The following SLC26A8 variants were observed in gnomAD, a reference collection of about 807,000 sequenced individuals.
SLC26A8 encodes the protein testis anion transporter 1.
SLC26A8 carries 70 observed loss-of-function variants against 105.0 expected under a neutral mutation model. The observed-to-expected ratio is 0.67, with a 90% CI of 0.55 to 0.81. The LOEUF is 0.81. Among genes scored for constraint, SLC26A8 ranks in the 40% least tolerant of loss-of-function variants. The pLI, the probability that SLC26A8 is intolerant of heterozygous loss-of-function variation, is 0.00. For synonymous variants in SLC26A8, 415 were observed against 438.3 expected, an observed-to-expected ratio of 0.95 and a Z score of 0.66; for missense variants, 998 against 1,181.8, an observed-to-expected ratio of 0.84 and a Z score of 2.28.
At chr6:35,956,428 C>CAAAA (rs56146863) in intron 16 of SLC26A8, among the ~76,000 whole-genome samples, 2 of 105,886 alleles carry the variant, frequency 1.9e-5, no homozygotes, top group African/African-American at 3.6e-5. Flanking sequence ...ACCTTATGTC[C>CAAAA]AAAAAAAAAA....
intron 7 of SLC26A8, 134 bp from the exon 8 acceptor site, chr6:35,982,337 G>T: frequency 1.3e-6 from 1 of 755,810 alleles, no homozygotes; most frequent in Non-Finnish European, 2.2e-6. Flanking sequence ...ATGCATGCAA[G>T]TTGGAGAGAG....
chr6:36,002,893 G>A (rs1261018072), intron 3 of SLC26A8, among the ~76,000 whole-genome samples: 2 of 151,818 alleles, frequency 1.3e-5, no homozygotes, highest in African/African-American at 4.8e-5. Flanking sequence ...TAGTAGAGAC[G>A]GGGTTTCACC....
chr6:35,971,729 A>C lies in SLC26A8; in HGVS notation c.1288-2775T>G, dbSNP rs540188223. On this transcript the variant is annotated intron_variant, in intron 10 of 19. Coordinates refer to ENST00000490799, the MANE Select transcript of SLC26A8 (RefSeq NM_052961.4). The stretch of plus-strand genomic sequence containing the variant: ...CAACCTCCCCTGACCATCTGACTCC[A>C]AAATCCAGGCTCTCTCCACGGCCCC... Among the ~76,000 whole-genome samples, 1,044 of 152,362 alleles carry C rather than the reference A, an allele frequency of 6.9e-3. 12 individuals carry two copies. Among genetic ancestry groups the C allele is most frequent in the Non-Finnish European group, 0.013 (898 of 68,028 alleles).
chr6:36,015,699 C>T (rs1761976009), intron 2 of SLC26A8, among the ~76,000 whole-genome samples: 1 of 152,152 alleles, frequency 6.6e-6, no homozygotes, highest in African/African-American at 2.4e-5. Flanking sequence ...CTCTTTGGCA[C>T]ATGTCCCCCG....
At position 36,000,067 on chromosome 6, in the gene SLC26A8, G is replaced by C; in HGVS notation, c.370C>G (p.Leu124Val). 6.2e-7 allele frequency: 1 copy of C among 1,614,104 alleles called. No individual in the cohort carries two copies. Among genetic ancestry groups the C allele is most frequent in the Non-Finnish European group, 8.5e-7 (1 of 1,179,992 alleles). ...SLLARQLIPP[L>V]NIAYAAFCSS... ...CAGAAAGCTGCATAAGCGATGTTGA[G>C]AGGAGGAATCAGTTGCCTTGCCAGC... is the stretch of plus-strand genomic sequence containing the variant. The change falls in exon 4 of 20, where the codon CTC becomes GTC. Residue 124 changes from leucine to valine, a missense_variant. Physicochemically the swap from Leu to Val is conservative, Grantham distance 32. Transcript: ENST00000490799.
rs146161393 is a variant in SLC26A8, at chr6:36,015,403, G to A, written c.189-3031C>T. ...TGGGATTACAGGCATGAGCCACTGT[G>A]CCCAGCCAGAATTGTGCTCTCAAGC... On this transcript the variant is annotated intron_variant, in intron 2 of 19. Coordinates refer to ENST00000490799, the MANE Select transcript of SLC26A8 (RefSeq NM_052961.4). Among the ~76,000 whole-genome samples, 378 of 152,278 alleles carry A rather than the reference G, an allele frequency of 2.5e-3. 2 individuals carry two copies. The highest frequency in any genetic ancestry group is 2.9e-3 in the Admixed American group (45 of 15,286).
intron 8 of SLC26A8, among the ~76,000 whole-genome samples, chr6:35,979,200 G>A (rs1278992829): frequency 3.3e-5 from 5 of 151,664 alleles, no homozygotes; most frequent in African/African-American, 9.7e-5. Flanking sequence ...ACTTAAGGCC[G>A]GGCACGGTGG....
rs1446893558 is a variant in SLC26A8, at chr6:35,962,661, G to A, written c.1366-40C>T. 1.9e-6 allele frequency: 3 copies of A among 1,600,414 alleles called. No homozygotes were observed. In the African/African-American group the frequency reaches 4.0e-5, roughly 21 times the overall value. On this transcript the variant is annotated intron_variant, in intron 11 of 19. Coordinates refer to ENST00000490799, the MANE Select transcript of SLC26A8 (RefSeq NM_052961.4). ...TAAATCATGGTTCATTTTCCCTTTG[G>A]GGTGTAAAACTCACAAATCCCCACC... is the stretch of plus-strand genomic sequence containing the variant.
Position 35,955,171 on chromosome 6 carries a change from C to A in SLC26A8, c.2213G>T (p.Gly738Val). ...FSMVHYVDSR[G>V]LVVLRQICNA... is the part of the protein sequence containing the mutation. ...ACTTACCTGTCTTAATACGACTAAC[C>A]CCCGTGAATCCACGTAGTGTACCAT... The change falls in exon 17 of 20, where the codon GGG becomes GTG. Residue 738 changes from glycine to valine, a missense_variant. By Grantham distance (109) the Gly-to-Val change is moderately radical. Coordinates refer to ENST00000490799, the MANE Select transcript of SLC26A8 (RefSeq NM_052961.4). 6.2e-7 allele frequency: 1 copy of A among 1,614,054 alleles called. No homozygotes were observed. The highest frequency in any genetic ancestry group is 8.5e-7 in the Non-Finnish European group (1 of 1,180,014).
At chr6:36,024,163 C>T (rs543769648) in intron 1 of SLC26A8, among the ~76,000 whole-genome samples, 11 of 152,216 alleles carry the variant, frequency 7.2e-5, no homozygotes, top group African/African-American at 2.2e-4. Context: ...GCAGTCAGGC[C>T]TCAGGAGGAA....
chr6:36,019,542 A>T lies in SLC26A8; in HGVS notation c.166T>A (p.Phe56Ile). 1.2e-6 allele frequency: 2 copies of T among 1,613,688 alleles called. No individual in the cohort carries two copies. Among genetic ancestry groups the T allele is most frequent in the Non-Finnish European group, 1.7e-6 (2 of 1,179,942 alleles). ...CACCGGCACTGGACGTGGTGTCTGA[A>T]GGTGGTGATGTTGATGTTCATGTTC... ...SGNMNINITT[F>I]RHHVQCRCSW... is the part of the protein sequence containing the mutation. Residue 56 changes from phenylalanine (F) to isoleucine (I), a missense_variant, in exon 2 of 20, where the codon TTC (phenylalanine) becomes ATC (isoleucine). Transcript: ENST00000490799.
At chr6:35,987,308 T>A (rs544618511) in intron 7 of SLC26A8, among the ~76,000 whole-genome samples, 1 of 152,202 alleles carries the variant, frequency 6.6e-6, no homozygotes, top group Non-Finnish European at 1.5e-5. Context: ...TGGGTTGGTA[T>A]CTCTCAGGCA....
At chr6:35,980,108 G>A (rs748061083) in intron 8 of SLC26A8, among the ~76,000 whole-genome samples, 18 of 152,190 alleles carry the variant, frequency 1.2e-4, no homozygotes, top group Non-Finnish European at 2.5e-4. Context: ...AAGTAGCTGG[G>A]ATTGCAGGCA....
At chr6:36,023,546 CAAA>C (rs59633591) in intron 1 of SLC26A8, among the ~76,000 whole-genome samples, 24 of 63,526 alleles carry the variant, frequency 3.8e-4, no homozygotes, top group East Asian at 1.1e-3. Context: ...GACTCTGTCT[CAAA>C]AAAAAAAAAA....
At chr6:35,994,578 T>TTC (rs1491204474) in intron 5 of SLC26A8, among the ~76,000 whole-genome samples, 10 of 42,376 alleles carry the variant, frequency 2.4e-4, no homozygotes, top group African/African-American at 6.9e-4. Flanking sequence ...GCATCATCTC[T>TTC]TTTTTTTTTT....
chr6:36,005,537 C>A (rs1300161068), intron 3 of SLC26A8, among the ~76,000 whole-genome samples: 1 of 152,038 alleles, frequency 6.6e-6, no homozygotes, highest in African/African-American at 2.4e-5. Context: ...CTTATATTTC[C>A]TTATGATTGT....
chr6:35,970,416 G>A (rs1772745682), intron 10 of SLC26A8, among the ~76,000 whole-genome samples: 1 of 152,170 alleles, frequency 6.6e-6, no homozygotes, highest in Non-Finnish European at 1.5e-5. Flanking sequence ...TCACATGAGA[G>A]TAGTGTAGGA....
chr6:35,953,146 T>G (rs1441065951), intron 17 of SLC26A8, among the ~76,000 whole-genome samples: 1 of 152,046 alleles, frequency 6.6e-6, no homozygotes, highest in Non-Finnish European at 1.5e-5. Flanking sequence ...TGAAGAAACC[T>G]GTATTTTTAG....
At chr6:35,990,036 C>T (rs10947583) in intron 7 of SLC26A8, 57,305 of 143,032 alleles carry the variant, frequency 0.4, 11,900 homozygotes, top group South Asian at 0.57. Flanking sequence ...CTCCTGGATT[C>T]ATGCCATTCT....
Sources: gnomAD v4.1 joint callset for allele counts (sites outside exome capture counted in the v4.1 genomes callset) on GRCh38, gnomAD v4.1.1 for gene constraint, MANE v1.5 for transcripts, NCBI Gene and HGNC (gene_info 2026-07-23, HGNC 2026-07-21) for gene names.